Variants in TRAM1 observed in about 807,000 individuals in gnomAD.
TRAM1 encodes the protein translocating chain-associated membrane protein 1.
Under a neutral mutation model 48.7 loss-of-function variants are expected in TRAM1, and 17 were observed. That is an observed-to-expected ratio of 0.35 (90% CI 0.24 to 0.52). The LOEUF (loss-of-function observed/expected upper bound fraction) is 0.52, where lower values mean the gene tolerates loss of function less well. TRAM1 is among the 20% of genes least tolerant of loss of function. The pLI, the probability that TRAM1 is intolerant of heterozygous loss-of-function variation, is 0.94. For missense variants in TRAM1, 351 were observed against 441.5 expected (o/e 0.79, Z 1.84); for synonymous variants, 182 against 154.0 (o/e 1.18, Z -1.34).
chr8:70,607,965 C>T, intron 1 of TRAM1, 112 bp downstream of exon 1: 2 of 1,366,974 alleles, frequency 1.5e-6, no homozygotes, highest in Non-Finnish European at 9.5e-7. Context: ...TCTGCACCCA[C>T]CCCGGGCCCG....
chr8:70,581,567 T>C (rs1458323362), intron 10 of TRAM1, among the ~76,000 whole-genome samples: 2 of 152,192 alleles, frequency 1.3e-5, no homozygotes, highest in Non-Finnish European at 2.9e-5. Context: ...TCCCTCAAAA[T>C]GTTAAACATA....
Position 70,587,140 on chromosome 8 carries a change from A to G in TRAM1, c.607T>C (p.Tyr203His). 1 of 1,614,024 alleles carries G rather than the reference A, an allele frequency of 6.2e-7. No individual in the cohort carries two copies. Among genetic ancestry groups the G allele is most frequent in the African/African-American group, 1.3e-5 (1 of 75,052 alleles). The change falls in exon 7 of 11, where the codon TAC (tyrosine) becomes CAC (histidine). Residue 203 changes from tyrosine (Y) to histidine (H), a missense_variant. Coordinates refer to ENST00000262213, the MANE Select transcript of TRAM1 (RefSeq NM_014294.6). Reference sequence around the variant, plus strand: ...TAAGCTCCAGCAATGTGGAAGAGGTAAAGACCAATGTAGACAAGCTGACGA... The same window carrying G: ...TAAGCTCCAGCAATGTGGAAGAGGTGAAGACCAATGTAGACAAGCTGACGA... ...IPRQLVYIGL[Y>H]LFHIAGAYLL...
intron 6 of TRAM1, among the ~76,000 whole-genome samples, chr8:70,588,450 C>G (rs1023007144): frequency 6.6e-6 from 1 of 152,014 alleles, no homozygotes; most frequent in Admixed American, 6.6e-5. Flanking sequence ...ATTAGCCAGG[C>G]ATGGTGGCAT....
intron 8 of TRAM1, among the ~76,000 whole-genome samples, chr8:70,586,096 A>C (rs1363729510): frequency 2.0e-5 from 3 of 151,884 alleles, no homozygotes; most frequent in African/African-American, 7.3e-5. Flanking sequence ...TGCAGCCATA[A>C]AAAATGAAGA....
chr8:70,582,928 A>G (rs531868477), intron 10 of TRAM1, among the ~76,000 whole-genome samples: 1 of 152,196 alleles, frequency 6.6e-6, no homozygotes, highest in African/African-American at 2.4e-5. Flanking sequence ...CCAAGCATGG[A>G]AAACTTGTTA....
At chr8:70,576,800 C>G (rs1009725477) in intron 10 of TRAM1, among the ~76,000 whole-genome samples, 2 of 152,122 alleles carry the variant, frequency 1.3e-5, no homozygotes, top group Admixed American at 1.3e-4. Flanking sequence ...GTGGGAGTCC[C>G]GCACTCCTGG....
At chr8:70,599,326 C>T (rs1306738090) in intron 2 of TRAM1, among the ~76,000 whole-genome samples, 1 of 152,132 alleles carries the variant, frequency 6.6e-6, no homozygotes, top group Non-Finnish European at 1.5e-5. Context: ...ATGTGGTATA[C>T]TATATTATCT....
At chr8:70,606,506 G>C (rs1472792320) in intron 1 of TRAM1, among the ~76,000 whole-genome samples, 1 of 152,214 alleles carries the variant, frequency 6.6e-6, no homozygotes, top group Non-Finnish European at 1.5e-5. Context: ...GCCTAGCACT[G>C]TATTTACCTT....
In TRAM1 at chr8:70,573,993, A is replaced by ATTTC. The variant is rs1816882537; in HGVS notation, c.*935_*938dup. 4.9e-6 allele frequency: 1 copy of ATTTC among 202,334 alleles called. No individual in the cohort carries two copies. The highest frequency in any genetic ancestry group is 6.2e-5 in the Admixed American group (1 of 16,020). The allele number at this position is 202,334 out of a possible 1,614,324, so 12.5% of individuals were successfully genotyped here. A position where few individuals can be genotyped will look rare whatever the true frequency, so the allele number is the denominator to read the frequency against. On this transcript the variant is annotated 3_prime_UTR_variant, in exon 11 of 11. Coordinates refer to ENST00000262213, the MANE Select transcript of TRAM1 (RefSeq NM_014294.6). ...GACTATTTATCCACCTGAATTTTCA[A>ATTTC]TTTCTTTAAAGTTAGTGCATTAAAT...
At chr8:70,593,228 CG>C (rs1242636566) in intron 6 of TRAM1, among the ~76,000 whole-genome samples, 2 of 151,844 alleles carry the variant, frequency 1.3e-5, no homozygotes, top group Non-Finnish European at 2.9e-5. Context: ...ACATGAGTAA[CG>C]ACAGATACAC....
At chr8:70,584,659 T>G (rs1214627539) in intron 8 of TRAM1, among the ~76,000 whole-genome samples, 27 of 152,318 alleles carry the variant, frequency 1.8e-4, no homozygotes, top group Non-Finnish European at 7.3e-5. Context: ...AGCCAAATCA[T>G]GAGTGAACTC....
At chr8:70,605,553 C>T (rs553890577) in intron 1 of TRAM1, among the ~76,000 whole-genome samples, 1 of 152,174 alleles carries the variant, frequency 6.6e-6, no homozygotes, top group African/African-American at 2.4e-5. Flanking sequence ...AAATCAATTT[C>T]TCTATTATTC....
chr8:70,597,860 GGA>G (rs1817524451), intron 4 of TRAM1, 33 bp downstream of exon 4: 3 of 1,449,194 alleles, frequency 2.1e-6, no homozygotes, highest in African/African-American at 1.4e-5. Flanking sequence ...TCTTAGATAA[GGA>G]AGGAGAACAA....
chr8:70,607,332 G>T (rs994745871), intron 1 of TRAM1: 25 of 985,164 alleles, frequency 2.5e-5, no homozygotes, highest in Non-Finnish European at 3.0e-5. Flanking sequence ...CCTTGGCACC[G>T]CTGTTCAGAA....
In TRAM1 at chr8:70,574,115, G is replaced by A. The variant is rs1350056199; in HGVS notation, c.*817C>T. On this transcript the variant is annotated 3_prime_UTR_variant, in exon 11 of 11. Transcript: ENST00000262213. Reference sequence around the variant, plus strand: ...TTTGCAGGTTAAACTTTTCTAAGATGCTGTGCATATTAAACTTATTATGAG... The same window carrying A: ...TTTGCAGGTTAAACTTTTCTAAGATACTGTGCATATTAAACTTATTATGAG... 1 of 287,088 alleles carries A rather than the reference G, an allele frequency of 3.5e-6. No homozygotes were observed. Among genetic ancestry groups the A allele is most frequent in the East Asian group, 1.5e-4 (1 of 6,534 alleles). 17.8% of individuals were successfully genotyped at this position (287,088 alleles called of 1,614,324 possible). A position where few individuals can be genotyped will look rare whatever the true frequency, so the allele number is the denominator to read the frequency against.
chr8:70,597,256 C>G (rs1359372081), intron 4 of TRAM1, among the ~76,000 whole-genome samples: 1 of 152,062 alleles, frequency 6.6e-6, no homozygotes, highest in Non-Finnish European at 1.5e-5. Context: ...AAAAGTTATA[C>G]AACATTTAAG....
At chr8:70,605,877 T>C (rs1338473753) in intron 1 of TRAM1, among the ~76,000 whole-genome samples, 3 of 152,230 alleles carry the variant, frequency 2.0e-5, no homozygotes, top group Non-Finnish European at 4.4e-5. Flanking sequence ...CACTAACATG[T>C]GAGGCAAGGT....
At chr8:70,604,365 AAAAGT>A (rs1817675828) in intron 1 of TRAM1, among the ~76,000 whole-genome samples, 1 of 152,220 alleles carries the variant, frequency 6.6e-6, no homozygotes, top group South Asian at 2.1e-4. Flanking sequence ...TGGATCCTTG[AAAAGT>A]AAAGACAATT....
At chr8:70,584,033 TAAAG>T (rs1817146346) in intron 8 of TRAM1, among the ~76,000 whole-genome samples, 1 of 151,686 alleles carries the variant, frequency 6.6e-6, no homozygotes, top group Non-Finnish European at 1.5e-5. Context: ...AATAAATAAA[TAAAG>T]AAGAAACTAG....
Sources: allele counts gnomAD v4.1 joint callset (sites outside exome capture counted in the v4.1 genomes callset), GRCh38; gene constraint gnomAD v4.1.1; transcripts MANE v1.5; gene names NCBI Gene and HGNC (gene_info 2026-07-23, HGNC 2026-07-21).